C6orf58: variants seen among roughly 807,000 people sequenced by gnomAD.
C6orf58 encodes the protein protein LEG1 homolog.
C6orf58 carries 30 observed loss-of-function variants against 37.0 expected under a neutral mutation model. The ratio of observed to expected loss-of-function variants is 0.81; its 90% CI spans 0.61 to 1.10. The LOEUF (loss-of-function observed/expected upper bound fraction) is 1.10. Ranked by LOEUF, C6orf58 falls within the 50% of genes least tolerant of loss-of-function variation. C6orf58 has a pLI of 0.00. For synonymous variants in C6orf58, 143 were observed against 134.1 expected (o/e 1.07, Z -0.46); for missense variants, 368 against 387.5 (o/e 0.95, Z 0.42).
chr6:127,577,195 C>T lies in C6orf58; in HGVS notation c.10C>T (p.Leu4Phe). Residue 4 changes from leucine (L) to phenylalanine (F), a missense_variant, in exon 1 of 6, where the codon CTT becomes TTT. Coordinates refer to ENST00000329722, the MANE Select transcript of C6orf58 (RefSeq NM_001010905.3). MAF[L>F]PSWVCVLVGS... Reference sequence around the variant, plus strand: ...CCCCAGCTCTGGCACAATGGCTTTTCTTCCTTCCTGGGTTTGTGTACTAGT... The same window carrying T: ...CCCCAGCTCTGGCACAATGGCTTTTTTTCCTTCCTGGGTTTGTGTACTAGT... 3.1e-6 allele frequency: 5 copies of T among 1,612,904 alleles called. No individual in the cohort carries two copies. Among genetic ancestry groups the T allele is most frequent in the Non-Finnish European group, 4.2e-6 (5 of 1,179,372 alleles).
At chr6:127,582,365 AATAATAAGC>A (rs527965587) in intron 4 of C6orf58, among the ~76,000 whole-genome samples, 1 of 152,254 alleles carries the variant, frequency 6.6e-6, no homozygotes, top group African/African-American at 2.4e-5. Context: ...CAAATATATA[AATAATAAGC>A]CAGAAGAAAA....
At chr6:127,580,603 G>C (rs986533649) in intron 3 of C6orf58, among the ~76,000 whole-genome samples, 154 bp downstream of exon 3, 29 of 151,976 alleles carry the variant, frequency 1.9e-4, no homozygotes, top group Non-Finnish European at 4.3e-4. Context: ...AGAGTGTTAT[G>C]AGTCATTAAC....
intron 2 of C6orf58, among the ~76,000 whole-genome samples, chr6:127,579,462 T>C (rs1382210833): frequency 1.3e-5 from 2 of 152,056 alleles, no homozygotes; most frequent in Non-Finnish European, 2.9e-5. Context: ...TCGCGAATAG[T>C]AGTGGCCACA....
At chr6:127,588,361 T>C (rs1388661518) in intron 4 of C6orf58, among the ~76,000 whole-genome samples, 1 of 152,214 alleles carries the variant, frequency 6.6e-6, no homozygotes, top group Non-Finnish European at 1.5e-5. Flanking sequence ...GAAAGTTACA[T>C]AGCAGAAGAC....
At position 127,578,725 on chromosome 6, in the gene C6orf58, A is replaced by C; in HGVS notation, c.341A>C (p.Tyr114Ser). 6.2e-7 allele frequency: 1 copy of C among 1,612,982 alleles called. No individual in the cohort carries two copies. The highest frequency in any genetic ancestry group is 8.5e-7 in the Non-Finnish European group (1 of 1,179,150). ...CCAACCCGAAGGACAAACTGTGGCT[A>C]TGAATCTGGAGATCATATGTGCATC... Reference protein sequence around the residue: ...ADPTRRTNCGYESGDHMCISV... With the variant: ...ADPTRRTNCGSESGDHMCISV... The change falls in exon 2 of 6, where the codon TAT (tyrosine) becomes TCT (serine). Residue 114 changes from tyrosine (Y) to serine (S), a missense_variant. Physicochemically the swap from Tyr to Ser is moderately radical, Grantham distance 144. Coordinates refer to ENST00000329722, the MANE Select transcript of C6orf58 (RefSeq NM_001010905.3).
chr6:127,586,138 A>G (rs1045402614), intron 4 of C6orf58, among the ~76,000 whole-genome samples: 1 of 152,166 alleles, frequency 6.6e-6, no homozygotes, highest in African/African-American at 2.4e-5. Flanking sequence ...TGATAAATCT[A>G]TGAATTATAC....
Position 127,577,339 on chromosome 6 carries a change from A to G in C6orf58, c.154A>G (p.Ile52Val), listed in dbSNP as rs774547530. 1 of 1,613,742 alleles carries G rather than the reference A, an allele frequency of 6.2e-7. No individual in the cohort carries two copies. The highest frequency in any genetic ancestry group is 8.5e-7 in the Non-Finnish European group (1 of 1,179,700). Residue 52 changes from isoleucine to valine, a missense_variant, in exon 1 of 6, where the codon ATT becomes GTT. By Grantham distance (29) the Ile-to-Val change is conservative. Coordinates refer to ENST00000329722, the MANE Select transcript of C6orf58 (RefSeq NM_001010905.3). ...DYRVENSMYI[I>V]NPWVYLERMG... is the part of the protein sequence containing the mutation. The stretch of plus-strand genomic sequence containing the variant: ...CAGGGTGGAGAACAGCATGTACATT[A>G]TTAATCCCTGGGTATACCTTGAGAG...
chr6:127,588,213 A>G (rs561975242), intron 4 of C6orf58, among the ~76,000 whole-genome samples: 1 of 152,360 alleles, frequency 6.6e-6, no homozygotes, highest in Admixed American at 6.5e-5. Flanking sequence ...TGCAAGAAAG[A>G]ATAACCAAAT....
At chr6:127,586,119 T>C (rs2114297608) in intron 4 of C6orf58, among the ~76,000 whole-genome samples, 1 of 152,286 alleles carries the variant, frequency 6.6e-6, no homozygotes, top group South Asian at 2.1e-4. Flanking sequence ...GTGCCAGTAA[T>C]CTGTAGACTG....
intron 5 of C6orf58, among the ~76,000 whole-genome samples, 153 bp from the exon 6 acceptor site, chr6:127,591,390 G>C (rs1039378851): frequency 6.6e-6 from 1 of 152,082 alleles, no homozygotes; most frequent in Non-Finnish European, 1.5e-5. Flanking sequence ...TTCTATGAAT[G>C]ACATGCCATG....
chr6:127,589,493 A>C lies in C6orf58; in HGVS notation c.675-594A>C, dbSNP rs138485906. On this transcript the variant is annotated intron_variant, in intron 4 of 5. Coordinates refer to ENST00000329722, the MANE Select transcript of C6orf58 (RefSeq NM_001010905.3). ...TTATTTGTCCCCATTTCTTAGGAGA[A>C]ACTAAACTTTCTCACCTATTATGGG... is the stretch of plus-strand genomic sequence containing the variant. Among the ~76,000 whole-genome samples the C allele has an allele frequency of 4.6e-5, 7 of 152,308 alleles. No homozygotes were observed. In the East Asian group the frequency reaches 1.2e-3, roughly 25 times the overall value.
At chr6:127,580,131 AT>A (rs1342785177) in intron 2 of C6orf58, 133 bp from the exon 3 acceptor site, 9 of 603,498 alleles carry the variant, frequency 1.5e-5, no homozygotes, top group Admixed American at 6.5e-5. Flanking sequence ...TTTGTTCAAT[AT>A]TTTTTTCCTA....
At chr6:127,590,871 T>A (rs1252033933) in intron 5 of C6orf58, among the ~76,000 whole-genome samples, 1 of 152,118 alleles carries the variant, frequency 6.6e-6, no homozygotes, top group Non-Finnish European at 1.5e-5. Context: ...AGTTTGAAAG[T>A]GACTATATCA....
rs566221451 is a variant in C6orf58, at chr6:127,580,943, ACT to A, written c.574-236_574-235del. 2.0e-5 allele frequency among the ~76,000 whole-genome samples: 3 copies of A among 152,218 alleles called. No individual in the cohort carries two copies. In the South Asian group the frequency reaches 6.2e-4, roughly 32 times the overall value. On this transcript the variant is annotated intron_variant, in intron 3 of 5. Coordinates refer to ENST00000329722, the MANE Select transcript of C6orf58 (RefSeq NM_001010905.3). ...AAGGCCTGATCGGTATAAAATATAAACTCTGAAAATACTTGAAGTTCAATACT... is the reference window on the plus strand; with the variant it reads ...AAGGCCTGATCGGTATAAAATATAAACTGAAAATACTTGAAGTTCAATACT...
In C6orf58 at chr6:127,590,254, G is replaced by C. The variant is rs771967415; in HGVS notation, c.842G>C (p.Ser281Thr). 1.4e-5 allele frequency: 23 copies of C among 1,613,516 alleles called. No homozygotes were observed. The highest frequency in any genetic ancestry group is 3.3e-4 in the Middle Eastern group (2 of 6,080). Residue 281 changes from serine (S) to threonine (T), a missense_variant, in exon 5 of 6, where the codon AGT becomes ACT. Physicochemically the swap from Ser to Thr is moderately conservative, Grantham distance 58. Transcript: ENST00000329722. ...LLNTDVAPFI[S>T]DFTAFQNVVL... The stretch of plus-strand genomic sequence containing the variant: ...AATACTGATGTAGCCCCTTTCATCA[G>C]TGACTTTACTGCTTTTCAGAATGTA...
chr6:127,582,710 C>T (rs1466149011), intron 4 of C6orf58, among the ~76,000 whole-genome samples: 2 of 152,150 alleles, frequency 1.3e-5, no homozygotes, highest in Non-Finnish European at 2.9e-5. Context: ...AGAATTCATA[C>T]CTGCTGGTAA....
intron 3 of C6orf58, 39 bp downstream of exon 3, chr6:127,580,488 T>C (rs1016511166): frequency 6.8e-7 from 1 of 1,480,120 alleles, no homozygotes. Flanking sequence ...GAAGAGAGTT[T>C]ATTTTGTCAT....
At chr6:127,589,673 G>T (rs978420549) in intron 4 of C6orf58, among the ~76,000 whole-genome samples, 1 of 151,986 alleles carries the variant, frequency 6.6e-6, no homozygotes, top group Non-Finnish European at 1.5e-5. Flanking sequence ...CAATGTTTCT[G>T]GGATCCCTGG....
chr6:127,581,299 A>T lies in C6orf58; in HGVS notation c.674+17A>T. 1 of 1,143,746 alleles carries T rather than the reference A, an allele frequency of 8.7e-7. No homozygotes were observed. Among genetic ancestry groups the T allele is most frequent in the Non-Finnish European group, 1.2e-6 (1 of 800,780 alleles). The allele number at this position is 1,143,746 out of a possible 1,614,324, so 70.8% of individuals were successfully genotyped here. ...TGAAGACAGGTAAGAATGAATCTTT[A>T]AAGTATCTCTATTTAATATGATAAA... is the stretch of plus-strand genomic sequence containing the variant. On this transcript the variant is annotated intron_variant, in intron 4 of 5. Coordinates refer to ENST00000329722, the MANE Select transcript of C6orf58 (RefSeq NM_001010905.3).
Sources: gnomAD v4.1 joint callset for allele counts (sites outside exome capture counted in the v4.1 genomes callset) on GRCh38, gnomAD v4.1.1 for gene constraint, MANE v1.5 for transcripts, NCBI Gene and HGNC (gene_info 2026-07-23, HGNC 2026-07-21) for gene names.